CEP350: variants seen among roughly 807,000 people sequenced by gnomAD.
CEP350 encodes the protein centrosome-associated protein 350.
Under a neutral mutation model 331.8 loss-of-function variants are expected in CEP350, and 126 were observed. The ratio of observed to expected loss-of-function variants is 0.38; its 90% CI spans 0.33 to 0.44. The LOEUF is 0.44. CEP350 is among the 20% of genes least tolerant of loss of function. The probability of loss-of-function intolerance (pLI) is 1.00; values close to 1 mark genes in which losing one functional copy is unlikely to be tolerated. For synonymous variants in CEP350, 1,200 were observed against 1,259.5 expected (o/e 0.95, Z 1.00); for missense variants, 3,406 against 3,634.6 (o/e 0.94, Z 1.62).
chr1:180,012,010 T>C lies in CEP350; in HGVS notation c.1328T>C (p.Met443Thr). 6.3e-7 allele frequency: 1 copy of C among 1,586,322 alleles called. No individual in the cohort carries two copies. Among genetic ancestry groups the C allele is most frequent in the Non-Finnish European group, 8.6e-7 (1 of 1,165,076 alleles). Residue 443 changes from methionine (M) to threonine (T), a missense_variant, in exon 9 of 38, where the codon ATG (methionine) becomes ACG (threonine). This residue lies in a region of CEP350 where 1,857 missense variants were observed against 1,909.2 expected (regional missense o/e 0.97). Coordinates refer to ENST00000367607, the MANE Select transcript of CEP350 (RefSeq NM_014810.5). Reference sequence around the variant, plus strand: ...AAGATTCTGGGACCTGCTCCCAGAATGGAGCCAAAAGAGCAAAGAACAGCA... The same window carrying C: ...AAGATTCTGGGACCTGCTCCCAGAACGGAGCCAAAAGAGCAAAGAACAGCA... ...VKKILGPAPR[M>T]EPKEQRTASS... is the part of the protein sequence containing the mutation.
At chr1:180,075,265 C>A in intron 28 of CEP350, 44 bp downstream of exon 28, 2 of 1,505,734 alleles carry the variant, frequency 1.3e-6, no homozygotes, top group Non-Finnish European at 1.8e-6. Context: ...TAAAGCCTAA[C>A]ATAATTGAAA....
In CEP350 at chr1:179,989,141, A is replaced by G. The variant is rs373369453; in HGVS notation, c.121-1366A>G. 1.2e-4 allele frequency among the ~76,000 whole-genome samples: 18 copies of G among 152,242 alleles called. No individual in the cohort carries two copies. The East Asian group carries it at 2.3e-3, about 20-fold the overall frequency. On this transcript the variant is annotated intron_variant, in intron 3 of 37. Coordinates refer to ENST00000367607, the MANE Select transcript of CEP350 (RefSeq NM_014810.5). ...TATCATAAATTATTCCAATTTTTAAAATACATTGGGATGCAAAAATCTGAA... is the reference window on the plus strand; with the variant it reads ...TATCATAAATTATTCCAATTTTTAAGATACATTGGGATGCAAAAATCTGAA...
chr1:180,078,382 TA>T, intron 28 of CEP350, 80 bp from the exon 29 acceptor site: 1 of 1,043,842 alleles, frequency 9.6e-7, no homozygotes, highest in Non-Finnish European at 1.4e-6. Flanking sequence ...AATAATATGC[TA>T]AAAACAATGT....
At chr1:180,039,864 G>A (rs1656643302) in intron 17 of CEP350, among the ~76,000 whole-genome samples, 2 of 151,914 alleles carry the variant, frequency 1.3e-5, no homozygotes, top group Admixed American at 1.3e-4. Context: ...AGTCAGTCTG[G>A]GGAGAATTCA....
intron 37 of CEP350, among the ~76,000 whole-genome samples, chr1:180,109,672 G>C (rs1286200618): frequency 2.0e-5 from 3 of 151,938 alleles, no homozygotes; most frequent in Non-Finnish European, 4.4e-5. Flanking sequence ...GTTTCACTCT[G>C]TCGCCCAGGC....
intron 8 of CEP350, 28 bp downstream of exon 8, chr1:180,006,595 T>C: frequency 1.8e-6 from 2 of 1,087,722 alleles, no homozygotes; most frequent in Non-Finnish European, 2.7e-6. Flanking sequence ...GTCCATCCTT[T>C]TTTTTTGTTT....
At chr1:180,107,255 T>C (rs148152782) in intron 37 of CEP350, among the ~76,000 whole-genome samples, 97 of 152,298 alleles carry the variant, frequency 6.4e-4, no homozygotes, top group African/African-American at 2.3e-3. Flanking sequence ...ATACACAGTA[T>C]ATAATTTAGC....
rs2149135303 is a variant in CEP350 at position 180,094,098 on chromosome 1, G to A, written c.7993G>A (p.Glu2665Lys). 6.2e-7 allele frequency: 1 copy of A among 1,613,874 alleles called. No individual in the cohort carries two copies. The highest frequency in any genetic ancestry group is 8.5e-7 in the Non-Finnish European group (1 of 1,179,838). Reference protein sequence around the residue: ...SSVDSQISSKENKDLISDATE... With the variant: ...SSVDSQISSKKNKDLISDATE... ...AGTGGATTCACAGATTTCTTCAAAGGAAAACAAAGACCTCATTTCTGATGC... is the reference window on the plus strand; with the variant it reads ...AGTGGATTCACAGATTTCTTCAAAGAAAAACAAAGACCTCATTTCTGATGC... Residue 2665 changes from glutamate to lysine, a missense_variant, in exon 34 of 38, where the codon GAA becomes AAA. Coordinates refer to ENST00000367607, the MANE Select transcript of CEP350 (RefSeq NM_014810.5).
chr1:180,015,978 G>C lies in CEP350; in HGVS notation c.2174+8G>C. 1.2e-6 allele frequency: 2 copies of C among 1,612,714 alleles called. No homozygotes were observed. Among genetic ancestry groups the C allele is most frequent in the Non-Finnish European group, 1.7e-6 (2 of 1,179,478 alleles). On this transcript the variant is annotated splice_region_variant and intron_variant, in intron 11 of 37. Transcript: ENST00000367607. ...TCCACAGCCTCTTGCAAGGTAAAAAGGGAAGAATGAAAGATGATTAAGATT... is the reference window on the plus strand; with the variant it reads ...TCCACAGCCTCTTGCAAGGTAAAAACGGAAGAATGAAAGATGATTAAGATT...
chr1:179,965,221 G>A (rs550727163), intron 1 of CEP350, among the ~76,000 whole-genome samples: 27 of 152,020 alleles, frequency 1.8e-4, no homozygotes, highest in Non-Finnish European at 3.7e-4. Flanking sequence ...GTTCCTTTTG[G>A]TATTGATTTC....
Position 179,996,735 on chromosome 1 carries a change from T to G in CEP350, c.578T>G (p.Val193Gly). ...CAATCATCTGTCATCAATGATACAG[T>G]TGTTAGGTTTTTAAATGATCGACCA... is the stretch of plus-strand genomic sequence containing the variant. ...SSQSSVINDT[V>G]VRFLNDRPAI... Residue 193 changes from valine (V) to glycine (G), a missense_variant, in exon 6 of 38, where the codon GTT (valine) becomes GGT (glycine). Physicochemically the swap from Val to Gly is moderately radical, Grantham distance 109. Transcript: ENST00000367607. 1 of 1,613,452 alleles carries G rather than the reference T, an allele frequency of 6.2e-7. No homozygotes were observed. Among genetic ancestry groups the G allele is most frequent in the Admixed American group, 1.7e-5 (1 of 59,950 alleles).
chr1:180,109,087 G>A (rs1220001693), intron 37 of CEP350, among the ~76,000 whole-genome samples: 2 of 151,404 alleles, frequency 1.3e-5, no homozygotes, highest in Non-Finnish European at 2.9e-5. Context: ...TTCCTTATAA[G>A]GCAAACCAGA....
At chr1:180,046,322 A>G (rs967653037) in intron 21 of CEP350, among the ~76,000 whole-genome samples, 1 of 152,176 alleles carries the variant, frequency 6.6e-6, no homozygotes, top group Admixed American at 6.5e-5. Flanking sequence ...TTTTATATAA[A>G]TGGCATCATT....
In CEP350 at chr1:180,020,022, C is replaced by G; in HGVS notation, c.2248C>G (p.Pro750Ala). The G allele has an allele frequency of 6.2e-7, 1 of 1,613,920 alleles. No individual in the cohort carries two copies. Among genetic ancestry groups the G allele is most frequent in the African/African-American group, 1.3e-5 (1 of 75,040 alleles). The change falls in exon 12 of 38, where the codon CCT becomes GCT. Residue 750 changes from proline to alanine, a missense_variant. Physicochemically the swap from Pro to Ala is conservative, Grantham distance 27. This residue lies in a region of CEP350 where 1,857 missense variants were observed against 1,909.2 expected (regional missense o/e 0.97). Transcript: ENST00000367607. ...SPQVHHSQPQ[P>A]FAGTAGSLLS... ...ACAAGTTCACCATTCTCAACCACAG[C>G]CTTTTGCTGGAACAGCTGGAAGTTT...
intron 1 of CEP350, among the ~76,000 whole-genome samples, chr1:179,981,976 G>C (rs1047899946): frequency 6.6e-6 from 1 of 151,998 alleles, no homozygotes; most frequent in Non-Finnish European, 1.5e-5. Flanking sequence ...CTCCAGCCTG[G>C]GTAACAGAGT....
Position 180,031,514 on chromosome 1 carries a change from G to A in CEP350, c.3725+20G>A, listed in dbSNP as rs1656017183. ...TGTGAGGTAATGTATATTTTATACTGTAATTTATATATAATTAAAGATATA... is the reference window on the plus strand; with the variant it reads ...TGTGAGGTAATGTATATTTTATACTATAATTTATATATAATTAAAGATATA... On this transcript the variant is annotated intron_variant, in intron 15 of 37. Coordinates refer to ENST00000367607, the MANE Select transcript of CEP350 (RefSeq NM_014810.5). 1.7e-6 allele frequency: 2 copies of A among 1,144,400 alleles called. No individual in the cohort carries two copies. The highest frequency in any genetic ancestry group is 3.7e-5 in the Admixed American group (1 of 27,340). 70.9% of individuals were successfully genotyped at this position (1,144,400 alleles called of 1,614,324 possible).
In CEP350 at chr1:179,984,587, C is replaced by T. The variant is rs111969221; in HGVS notation, c.-13-1582C>T. Among the ~76,000 whole-genome samples, 1,511 of 152,324 alleles carry T rather than the reference C, an allele frequency of 9.9e-3. 26 individuals carry two copies. Among genetic ancestry groups the T allele is most frequent in the African/African-American group, 0.032 (1,341 of 41,568 alleles). On this transcript the variant is annotated intron_variant, in intron 1 of 37. Transcript: ENST00000367607. ...CTCAGAAGTCACATATTGTCACTTT[C>T]ACCACATGTGATATTAGTTTAAAAT...
At chr1:180,080,718 A>C (rs540724762) in intron 30 of CEP350, 57 bp downstream of exon 30, 2 of 1,461,310 alleles carry the variant, frequency 1.4e-6, no homozygotes, top group African/African-American at 2.8e-5. Context: ...CCTTTACTCT[A>C]AAAGGCTTCA....
chr1:180,098,427 A>T (rs562963988), intron 36 of CEP350, among the ~76,000 whole-genome samples: 1 of 151,532 alleles, frequency 6.6e-6, no homozygotes, highest in South Asian at 2.1e-4. Context: ...TGCAGTCTGG[A>T]CCTCCTGGGC....
Sources: allele counts gnomAD v4.1 joint callset (sites outside exome capture counted in the v4.1 genomes callset), GRCh38; gene constraint gnomAD v4.1.1; regional missense constraint gnomAD v4.1.1; transcripts MANE v1.5; gene names NCBI Gene and HGNC (gene_info 2026-07-23, HGNC 2026-07-21).